The following PCDH15 variants were observed in gnomAD, a reference collection of about 807,000 sequenced individuals.
The protein encoded by PCDH15 is protocadherin-15.
In PCDH15, 129 loss-of-function variants were observed where a neutral mutation model predicts 178.5. The ratio of observed to expected loss-of-function variants is 0.72; its 90% CI spans 0.63 to 0.84. The LOEUF is 0.84. PCDH15 is among the 40% of genes least tolerant of loss of function. The probability of loss-of-function intolerance (pLI) is 0.00; values close to 1 mark genes in which losing one functional copy is unlikely to be tolerated. For synonymous variants in PCDH15, 800 were observed against 732.0 expected, an observed-to-expected ratio of 1.09 and a Z score of -1.50; for missense variants, 2,230 against 2,099.9, an observed-to-expected ratio of 1.06 and a Z score of -1.21.
intron 2 of PCDH15, among the ~76,000 whole-genome samples, chr10:55,097,822 T>C (rs1842482164): frequency 1.3e-5 from 2 of 152,256 alleles, no homozygotes; most frequent in South Asian, 4.1e-4. Context: ...GAACTCATTG[T>C]AGTTGAGAGG....
In PCDH15 at chr10:55,300,621, T is replaced by C. The variant is rs552178218; in HGVS notation, c.-156+18978A>G. On this transcript the variant is annotated intron_variant, in intron 1 of 5. Coordinates refer to the PCDH15 transcript ENST00000458638. ...TATTTTATCTAAATAATGATGAGAT[T>C]TTTCCGGGAATTCTTAAAAAATTAA... Among the ~76,000 whole-genome samples, 66 of 152,242 alleles carry C rather than the reference T, an allele frequency of 4.3e-4. 1 individual carries two copies. Among genetic ancestry groups the C allele is most frequent in the Non-Finnish European group, 7.9e-4 (54 of 67,996 alleles).
At chr10:55,252,209 T>A (rs879369066) in intron 1 of PCDH15, among the ~76,000 whole-genome samples, 1 of 152,146 alleles carries the variant, frequency 6.6e-6, no homozygotes, top group Non-Finnish European at 1.5e-5. Flanking sequence ...TACAGAGTTA[T>A]AAGCAAAATC....
intron 2 of PCDH15, among the ~76,000 whole-genome samples, chr10:55,129,963 T>C (rs1379468314): frequency 1.3e-5 from 2 of 152,080 alleles, no homozygotes; most frequent in Admixed American, 1.3e-4. Flanking sequence ...ATTTAGAAAA[T>C]TCCACCTGTT....
chr10:55,595,361 CTT>C (rs918424495), intron 2 of PCDH15, among the ~76,000 whole-genome samples: 3 of 151,986 alleles, frequency 2.0e-5, no homozygotes, highest in African/African-American at 7.2e-5. Context: ...AAATTTAAAA[CTT>C]TACACAGTAA....
At chr10:54,406,334 A>C (rs753251333) in intron 3 of PCDH15, among the ~76,000 whole-genome samples, 1 of 152,118 alleles carries the variant, frequency 6.6e-6, no homozygotes, top group Non-Finnish European at 1.5e-5. Flanking sequence ...TAAATAAATA[A>C]ATGAATAAAT....
At chr10:54,316,158 T>C (rs2061254283) in intron 8 of PCDH15, among the ~76,000 whole-genome samples, 1 of 152,142 alleles carries the variant, frequency 6.6e-6, no homozygotes, top group African/African-American at 2.4e-5. Flanking sequence ...CCAGCTGTTT[T>C]TTTTATTCAT....
At chr10:54,599,932 G>T in intron 2 of PCDH15, 1 of 858,500 alleles carries the variant, frequency 1.2e-6, no homozygotes, top group East Asian at 2.8e-5. Context: ...GGCCACTAAG[G>T]AGGAGTTGGT....
intron 3 of PCDH15, among the ~76,000 whole-genome samples, chr10:54,382,671 A>T (rs1949386714): frequency 6.6e-6 from 1 of 152,128 alleles, no homozygotes; most frequent in Non-Finnish European, 1.5e-5. Context: ...GTCCATAAGG[A>T]ATACATAACA....
intron 2 of PCDH15, among the ~76,000 whole-genome samples, chr10:55,498,133 T>C (rs1840577201): frequency 6.6e-6 from 1 of 151,878 alleles, no homozygotes; most frequent in Admixed American, 6.6e-5. Context: ...TCCACCAAAA[T>C]GTTTCTAAAC....
intron 3 of PCDH15, among the ~76,000 whole-genome samples, chr10:54,456,213 G>A (rs2076810499): frequency 6.6e-6 from 1 of 152,146 alleles, no homozygotes. Context: ...ACCTGGAAAG[G>A]CCACAGACAC....
At chr10:54,486,572 C>CCCTT (rs200789471) in intron 3 of PCDH15, among the ~76,000 whole-genome samples, 6,036 of 151,078 alleles carry the variant, frequency 0.04, 187 homozygotes, top group South Asian at 0.093. Flanking sequence ...TTCTTCCTTT[C>CCCTT]CCTTCCTTCC....
intron 5 of PCDH15, among the ~76,000 whole-genome samples, chr10:54,357,773 G>A (rs1036711274): frequency 5.9e-5 from 9 of 152,194 alleles, no homozygotes; most frequent in African/African-American, 2.2e-4. Flanking sequence ...ATACTACAAG[G>A]CTACAGTAAC....
At chr10:54,443,797 A>C (rs1327084321) in intron 3 of PCDH15, among the ~76,000 whole-genome samples, 1 of 151,582 alleles carries the variant, frequency 6.6e-6, no homozygotes, top group East Asian at 1.9e-4. Flanking sequence ...GAGAGTCCTA[A>C]TTAATCAACC....
chr10:55,278,970 C>T (rs2132255198), intron 1 of PCDH15, among the ~76,000 whole-genome samples: 1 of 152,268 alleles, frequency 6.6e-6, no homozygotes, highest in African/African-American at 2.4e-5. Context: ...TCATTTGATT[C>T]TCAAACTTCA....
intron 2 of PCDH15, among the ~76,000 whole-genome samples, chr10:55,552,048 A>T (rs1842012669): frequency 6.6e-6 from 1 of 151,738 alleles, no homozygotes; most frequent in African/African-American, 2.4e-5. Flanking sequence ...ATATGCAAAA[A>T]CACTGAATTG....
chr10:54,557,626 T>A (rs1284019099), intron 2 of PCDH15, among the ~76,000 whole-genome samples: 1 of 152,172 alleles, frequency 6.6e-6, no homozygotes, highest in Admixed American at 6.5e-5. Context: ...GGAGATTTCA[T>A]AATACTGAGG....
intron 2 of PCDH15, among the ~76,000 whole-genome samples, chr10:55,338,812 A>G (rs1004056622): frequency 6.6e-6 from 1 of 152,020 alleles, no homozygotes; most frequent in African/African-American, 2.4e-5. Context: ...AACAAACAAA[A>G]TCCTTTGATT....
intron 7 of PCDH15, among the ~76,000 whole-genome samples, chr10:54,320,073 A>G (rs897337753): frequency 6.6e-6 from 1 of 152,136 alleles, no homozygotes; most frequent in Non-Finnish European, 1.5e-5. Flanking sequence ...GAACTCACTC[A>G]GATCCCTAGA....
rs186911867 is a variant in PCDH15 at position 53,912,232 on chromosome 10, G to A, written c.3374-8862C>T. ...CTCAATAAATGCAGAAAAGGCCTTT[G>A]ACAAAATTCAACAGCCCTTCATGCT... is the stretch of plus-strand genomic sequence containing the variant. On this transcript the variant is annotated intron_variant, in intron 25 of 37. Coordinates refer to ENST00000644397, the MANE Select transcript of PCDH15 (RefSeq NM_001384140.1). Among the ~76,000 whole-genome samples, 804 of 152,224 alleles carry A rather than the reference G, an allele frequency of 5.3e-3. 10 individuals are homozygous for A. The highest frequency in any genetic ancestry group is 0.018 in the African/African-American group (753 of 41,540).
Sources: allele counts gnomAD v4.1 joint callset (sites outside exome capture counted in the v4.1 genomes callset), GRCh38; gene constraint gnomAD v4.1.1; transcripts MANE v1.5; gene names NCBI Gene and HGNC (gene_info 2026-07-23, HGNC 2026-07-21).